The following DYNC1LI1 variants were observed in gnomAD, a reference collection of about 807,000 sequenced individuals.
DYNC1LI1 encodes the protein cytoplasmic dynein 1 light intermediate chain 1.
In DYNC1LI1, 19 loss-of-function variants were observed where a neutral mutation model predicts 63.8. The ratio of observed to expected loss-of-function variants is 0.30; its 90% CI spans 0.21 to 0.44. The LOEUF is 0.44. DYNC1LI1 is among the 20% of genes least tolerant of loss of function. DYNC1LI1 has a pLI of 1.00. For synonymous variants in DYNC1LI1, 225 were observed against 232.3 expected, an observed-to-expected ratio of 0.97 and a Z score of 0.28; for missense variants, 565 against 630.2, an observed-to-expected ratio of 0.90 and a Z score of 1.11.
intron 2 of DYNC1LI1, among the ~76,000 whole-genome samples, chr3:32,546,649 A>G (rs1425599907): frequency 1.7e-4 from 26 of 152,152 alleles, no homozygotes; most frequent in Admixed American, 1.7e-3. Flanking sequence ...CCTCAGGTAA[A>G]GACTCTTAAT....
At chr3:32,562,305 C>T (rs1698204539) in intron 2 of DYNC1LI1, among the ~76,000 whole-genome samples, 1 of 152,108 alleles carries the variant, frequency 6.6e-6, no homozygotes, top group African/African-American at 2.4e-5. Flanking sequence ...TGAACACTTA[C>T]CTCTACGTGG....
rs573421310 is a variant in DYNC1LI1 at position 32,561,207 on chromosome 3, G to A, written c.220+9139C>T. Among the ~76,000 whole-genome samples, 7 of 151,712 alleles carry A rather than the reference G, an allele frequency of 4.6e-5. No individual in the cohort carries two copies. In the East Asian group the frequency reaches 5.8e-4, roughly 13 times the overall value. ...AATGGTTCTTAATCAAATATGGTAT[G>A]TATTCTACAATTAAATCACCTTTAC... On this transcript the variant is annotated intron_variant, in intron 2 of 12. Coordinates refer to ENST00000273130, the MANE Select transcript of DYNC1LI1 (RefSeq NM_016141.4).
chr3:32,542,641 G>C (rs1368050659), intron 4 of DYNC1LI1, among the ~76,000 whole-genome samples: 1 of 152,138 alleles, frequency 6.6e-6, no homozygotes, highest in Non-Finnish European at 1.5e-5. Context: ...TTCCCGACTT[G>C]TGATCCACCT....
At chr3:32,541,949 G>A (rs1048506516) in intron 4 of DYNC1LI1, among the ~76,000 whole-genome samples, 1 of 152,016 alleles carries the variant, frequency 6.6e-6, no homozygotes, top group South Asian at 2.1e-4. Context: ...CTATAGCATA[G>A]GATTAAAATA....
intron 2 of DYNC1LI1, among the ~76,000 whole-genome samples, chr3:32,548,114 T>TTAA (rs1197309307): frequency 2.0e-5 from 3 of 151,968 alleles, no homozygotes. Context: ...CCTGGAAGGT[T>TTAA]CATCATTATG....
At chr3:32,561,029 AAAAACAAACAAAAAAAAC>A (rs1646582112) in intron 2 of DYNC1LI1, among the ~76,000 whole-genome samples, 5 of 130,020 alleles carry the variant, frequency 3.8e-5, no homozygotes, top group African/African-American at 1.3e-4. Context: ...AAAAAAAAAA[AAAAACAAACAAAAAAAAC>A]ACACACACAC....
At chr3:32,568,996 T>C (rs562828949) in intron 2 of DYNC1LI1, among the ~76,000 whole-genome samples, 59 of 152,344 alleles carry the variant, frequency 3.9e-4, no homozygotes, top group African/African-American at 1.4e-3. Context: ...TAAAAAGTTC[T>C]GATCACAAAT....
chr3:32,527,470 G>GC (rs1303409332), intron 12 of DYNC1LI1, among the ~76,000 whole-genome samples: 1 of 151,782 alleles, frequency 6.6e-6, no homozygotes, highest in Non-Finnish European at 1.5e-5. Flanking sequence ...CAAAAATGTA[G>GC]CATCTAGAGA....
chr3:32,560,350 T>C (rs949326435), intron 2 of DYNC1LI1, among the ~76,000 whole-genome samples: 2 of 152,134 alleles, frequency 1.3e-5, no homozygotes, highest in Non-Finnish European at 2.9e-5. Flanking sequence ...GGAGAATCAC[T>C]TGAACCAGGG....
At chr3:32,567,497 C>T (rs1462004647) in intron 2 of DYNC1LI1, among the ~76,000 whole-genome samples, 2 of 151,550 alleles carry the variant, frequency 1.3e-5, no homozygotes, top group East Asian at 3.9e-4. Flanking sequence ...AATGTAAAGC[C>T]TTGTCATAGG....
intron 2 of DYNC1LI1, among the ~76,000 whole-genome samples, chr3:32,559,411 TG>T (rs1698159964): frequency 6.6e-6 from 1 of 152,130 alleles, no homozygotes; most frequent in Non-Finnish European, 1.5e-5. Context: ...GGTTGATTTT[TG>T]TATTTTTTGT....
intron 2 of DYNC1LI1, among the ~76,000 whole-genome samples, chr3:32,567,780 T>C (rs1312320481): frequency 6.7e-6 from 1 of 148,400 alleles, no homozygotes; most frequent in African/African-American, 2.5e-5. Context: ...CTTGGCTCAC[T>C]GCAACCTCCG....
intron 2 of DYNC1LI1, among the ~76,000 whole-genome samples, chr3:32,556,705 C>T (rs1374115800): frequency 6.6e-6 from 1 of 152,068 alleles, no homozygotes; most frequent in Non-Finnish European, 1.5e-5. Flanking sequence ...CCATGCCTGG[C>T]TAATTTTTTA....
At chr3:32,535,338 T>C (rs184869905) in intron 6 of DYNC1LI1, among the ~76,000 whole-genome samples, 2 of 152,208 alleles carry the variant, frequency 1.3e-5, no homozygotes, top group Non-Finnish European at 2.9e-5. Context: ...ATGTGACCAC[T>C]GACAGATGAT....
chr3:32,531,990 G>A (rs756279204), intron 8 of DYNC1LI1: 1 of 152,060 alleles, frequency 6.6e-6, no homozygotes, highest in African/African-American at 2.4e-5. Flanking sequence ...AAGTGTTTCA[G>A]ATTTTTGAGC....
At chr3:32,553,016 T>C (rs1698065716) in intron 2 of DYNC1LI1, among the ~76,000 whole-genome samples, 2 of 152,090 alleles carry the variant, frequency 1.3e-5, no homozygotes, top group South Asian at 4.1e-4. Flanking sequence ...CTTCTAAGCC[T>C]CCTACAGAGC....
At chr3:32,562,736 CAT>C (rs1004595888) in intron 2 of DYNC1LI1, among the ~76,000 whole-genome samples, 20 of 152,246 alleles carry the variant, frequency 1.3e-4, no homozygotes, top group Admixed American at 1.1e-3. Flanking sequence ...GTGTTTTAGA[CAT>C]AATTTCTTTT....
At chr3:32,561,459 T>C (rs2125445200) in intron 2 of DYNC1LI1, among the ~76,000 whole-genome samples, 2 of 151,690 alleles carry the variant, frequency 1.3e-5, no homozygotes, top group East Asian at 3.9e-4. Context: ...AAACCCCGTC[T>C]CTACTAAAAA....
chr3:32,567,518 GTTT>G (rs929724204), intron 2 of DYNC1LI1, among the ~76,000 whole-genome samples: 1 of 143,434 alleles, frequency 7.0e-6, no homozygotes, highest in African/African-American at 2.6e-5. Flanking sequence ...CTCAGATTTG[GTTT>G]TTTATTTTAT....
Sources: gnomAD v4.1 joint callset for allele counts (sites outside exome capture counted in the v4.1 genomes callset) on GRCh38, gnomAD v4.1.1 for gene constraint, MANE v1.5 for transcripts, NCBI Gene and HGNC (gene_info 2026-07-23, HGNC 2026-07-21) for gene names.